The following PCBP2 variants were observed in gnomAD, a reference collection of about 807,000 sequenced individuals.
The protein encoded by PCBP2 is poly(rC)-binding protein 2.
Under a neutral mutation model 50.1 loss-of-function variants are expected in PCBP2, and 4 were observed. The ratio of observed to expected loss-of-function variants is 0.08; its 90% CI spans 0.04 to 0.18. PCBP2 has a LOEUF of 0.18. Ranked by LOEUF, PCBP2 falls within the 10% of genes least tolerant of loss-of-function variation. The pLI is 1.00. For missense variants in PCBP2, 161 were observed against 474.3 expected (o/e 0.34, Z 6.14); for synonymous variants, 179 against 168.0 (o/e 1.07, Z -0.51).
chr12:53,457,235 T>C (rs1941097107), intron 5 of PCBP2, among the ~76,000 whole-genome samples: 2 of 152,146 alleles, frequency 1.3e-5, no homozygotes, highest in Admixed American at 6.6e-5. Context: ...CGTTTTCTTG[T>C]AGAGATGGGA....
intron 6 of PCBP2, chr12:53,460,701 T>TG (rs562821841): frequency 5.3e-5 from 14 of 262,040 alleles, no homozygotes; most frequent in Non-Finnish European, 9.8e-5. Flanking sequence ...GTGATACTTG[T>TG]GGGGCTTTTG....
intron 5 of PCBP2, among the ~76,000 whole-genome samples, chr12:53,457,065 TC>T (rs1358951886): frequency 4.6e-5 from 7 of 152,162 alleles, no homozygotes; most frequent in Non-Finnish European, 5.9e-5. Context: ...CTTTTTTTTT[TC>T]TTTTGAGGCA....
chr12:53,464,594 A>G, intron 8 of PCBP2, 166 bp from the exon 9 acceptor site: 1 of 912,492 alleles, frequency 1.1e-6, no homozygotes, highest in Non-Finnish European at 1.6e-6. Context: ...CCACTAGGTA[A>G]CTTTTTTTTT....
At chr12:53,477,803 C>T (rs1415298528) in intron 14 of PCBP2, among the ~76,000 whole-genome samples, 1 of 151,472 alleles carries the variant, frequency 6.6e-6, no homozygotes, top group Non-Finnish European at 1.5e-5. Flanking sequence ...TTCTACCCAG[C>T]TTTTGGCTTT....
intron 1 of PCBP2, among the ~76,000 whole-genome samples, chr12:53,454,175 A>T (rs1456121014): frequency 6.6e-6 from 1 of 152,188 alleles, no homozygotes; most frequent in South Asian, 2.1e-4. Flanking sequence ...GAGGGTGTTG[A>T]TCTAAATCTT....
intron 1 of PCBP2, among the ~76,000 whole-genome samples, chr12:53,453,804 G>A (rs992588719): frequency 6.6e-6 from 1 of 152,100 alleles, no homozygotes; most frequent in African/African-American, 2.4e-5. Flanking sequence ...CACATAACTA[G>A]TTACTCTAAA....
Position 53,453,654 on chromosome 12 carries a change from G to A in PCBP2, c.-75-1072G>A, listed in dbSNP as rs535669983. ...TGGGAGGAGAGAGATGACATGTTGA[G>A]TTTTAAAAGGATGGATACTTAAAAT... On this transcript the variant is annotated intron_variant, in intron 1 of 14. Coordinates refer to ENST00000546463, the MANE Select transcript of PCBP2 (RefSeq NM_031989.5). Among the ~76,000 whole-genome samples, 343 of 152,286 alleles carry A rather than the reference G, an allele frequency of 2.3e-3. 2 individuals carry two copies. Among genetic ancestry groups the A allele is most frequent in the Middle Eastern group, 3.4e-3 (1 of 294 alleles).
chr12:53,477,905 C>T (rs1942740526), intron 14 of PCBP2, among the ~76,000 whole-genome samples: 1 of 152,076 alleles, frequency 6.6e-6, no homozygotes, highest in Non-Finnish European at 1.5e-5. Flanking sequence ...AGTTTAAAAT[C>T]TTATGAAATA....
intron 5 of PCBP2, among the ~76,000 whole-genome samples, chr12:53,457,569 C>G (rs1941123966): frequency 6.6e-6 from 1 of 151,654 alleles, no homozygotes; most frequent in Non-Finnish European, 1.5e-5. Context: ...TCGTCTTGAA[C>G]TCTTGGGCTC....
intron 8 of PCBP2, chr12:53,464,463 G>T: frequency 3.0e-6 from 1 of 334,726 alleles, no homozygotes; most frequent in Non-Finnish European, 5.4e-6. Flanking sequence ...GTTCCTTTGT[G>T]GCAAAGTGGG....
At chr12:53,475,502 A>T (rs1352745958) in intron 14 of PCBP2, 3 of 246,410 alleles carry the variant, frequency 1.2e-5, no homozygotes, top group Non-Finnish European at 2.4e-5. Flanking sequence ...CTTGCAATAT[A>T]ACAATGTGTT....
At chr12:53,467,953 A>G (rs1941932859) in intron 12 of PCBP2, 110 bp downstream of exon 12, 3 of 866,864 alleles carry the variant, frequency 3.5e-6, no homozygotes, top group South Asian at 1.4e-5. Flanking sequence ...CACATGGCAG[A>G]GAGGAGCTGA....
intron 14 of PCBP2, 100 bp downstream of exon 14, chr12:53,471,907 G>A: frequency 2.4e-6 from 2 of 838,964 alleles, no homozygotes; most frequent in Non-Finnish European, 3.4e-6. Context: ...TGGGCGATGG[G>A]TAAAGATGGC....
intron 9 of PCBP2, among the ~76,000 whole-genome samples, chr12:53,465,333 C>T (rs1377626990): frequency 6.6e-6 from 1 of 152,018 alleles, no homozygotes; most frequent in Non-Finnish European, 1.5e-5. Flanking sequence ...CTGCAAATGC[C>T]TATGGAGGGG....
chr12:53,473,208 C>T (rs1942355157), intron 14 of PCBP2, among the ~76,000 whole-genome samples: 1 of 152,024 alleles, frequency 6.6e-6, no homozygotes, highest in African/African-American at 2.4e-5. Context: ...CTCAGCCTCC[C>T]AAGTAGCTGG....
Position 53,462,561 on chromosome 12 carries a change from T to A in PCBP2, c.573T>A (p.Gly191=). The change falls in exon 8 of 15, where the codon GGT becomes GGA. Residue 191 remains glycine, a synonymous_variant. Coordinates refer to ENST00000546463, the MANE Select transcript of PCBP2 (RefSeq NM_031989.5). ...KPSSSPVIFA[G]GQDRYSTGSD... ...CCAGCTCTCCGGTCATCTTTGCAGG[T>A]GGTCAGGTAAGAAAATTCTCATTTG... 1.2e-6 allele frequency: 2 copies of A among 1,612,640 alleles called. No homozygotes were observed. Among genetic ancestry groups the A allele is most frequent in the Non-Finnish European group, 1.7e-6 (2 of 1,178,948 alleles).
rs1258391862 is a variant in PCBP2, at chr12:53,481,119, A to G, written c.*1677A>G. Reference sequence around the variant, plus strand: ...TTGATTATGTGGCGCATATATATATATATATGTATATATATATAATTTATA... The same window carrying G: ...TTGATTATGTGGCGCATATATATATGTATATGTATATATATATAATTTATA... On this transcript the variant is annotated 3_prime_UTR_variant, in exon 15 of 15. Coordinates refer to ENST00000546463, the MANE Select transcript of PCBP2 (RefSeq NM_031989.5). 1.8e-5 allele frequency: 11 copies of G among 606,528 alleles called. No individual in the cohort carries two copies. Among genetic ancestry groups the G allele is most frequent in the Non-Finnish European group, 2.5e-5 (11 of 444,274 alleles). 37.6% of individuals were successfully genotyped at this position (606,528 alleles called of 1,614,324 possible).
chr12:53,473,889 T>TG (rs1270590879), intron 14 of PCBP2, among the ~76,000 whole-genome samples: 5 of 152,190 alleles, frequency 3.3e-5, no homozygotes, highest in Non-Finnish European at 5.9e-5. Flanking sequence ...AGTTGACTTC[T>TG]GTATCCCTTT....
chr12:53,475,263 G>C (rs796350597), intron 14 of PCBP2: 4 of 416,668 alleles, frequency 9.6e-6, no homozygotes, highest in African/African-American at 8.2e-5. Flanking sequence ...TGTTCATTTT[G>C]TTTTCCTTTG....
Sources: allele counts gnomAD v4.1 joint callset (sites outside exome capture counted in the v4.1 genomes callset), GRCh38; gene constraint gnomAD v4.1.1; transcripts MANE v1.5; gene names NCBI Gene and HGNC (gene_info 2026-07-23, HGNC 2026-07-21).